Variants in SNTB1 observed in about 807,000 individuals in gnomAD.
SNTB1 encodes the protein beta-1-syntrophin.
Under a neutral mutation model 48.9 loss-of-function variants are expected in SNTB1, and 36 were observed. The ratio of observed to expected loss-of-function variants is 0.74; its 90% confidence interval spans 0.56 to 0.97. The LOEUF (loss-of-function observed/expected upper bound fraction) is 0.97. SNTB1 is among the 50% of genes least tolerant of loss of function. SNTB1 has a pLI of 0.00. For missense variants in SNTB1, 786 were observed against 703.4 expected (o/e 1.12, Z -1.33); for synonymous variants, 299 against 294.6 (o/e 1.01, Z -0.15).
chr8:120,712,699 C>T (rs1051874618), intron 1 of SNTB1, among the ~76,000 whole-genome samples: 39 of 152,134 alleles, frequency 2.6e-4, no homozygotes, highest in African/African-American at 9.2e-4. Flanking sequence ...TTAACCAAAA[C>T]TGTGAAGAAG....
chr8:120,546,578 C>A (rs144786789), intron 5 of SNTB1, among the ~76,000 whole-genome samples: 8 of 152,032 alleles, frequency 5.3e-5, no homozygotes, highest in Non-Finnish European at 1.0e-4. Context: ...TGGGTTCAAG[C>A]GATTTTCCTG....
chr8:120,699,294 T>A (rs184388811), intron 1 of SNTB1, among the ~76,000 whole-genome samples: 10 of 152,338 alleles, frequency 6.6e-5, no homozygotes, highest in African/African-American at 1.7e-4. Context: ...CCTCCAAATC[T>A]CATGTTGAAA....
intron 1 of SNTB1, among the ~76,000 whole-genome samples, chr8:120,715,847 G>A (rs1015422828): frequency 2.0e-5 from 3 of 152,090 alleles, no homozygotes; most frequent in African/African-American, 7.2e-5. Flanking sequence ...AAAGTAATCC[G>A]AGTGAAGGTT....
rs182137206 is a variant in SNTB1, at chr8:120,690,715, G to T, written c.788+2977C>A. On this transcript the variant is annotated intron_variant, in intron 2 of 6. Transcript: ENST00000517992. ...AATCACTCTGTTAGATGTGTCTCTT[G>T]CATTCAGCATAGAGTTGGGTTTTGC... is the stretch of plus-strand genomic sequence containing the variant. Among the ~76,000 whole-genome samples the T allele has an allele frequency of 1.3e-3, 200 of 152,314 alleles. 1 individual carries two copies. Among genetic ancestry groups the T allele is most frequent in the Non-Finnish European group, 6.3e-4 (43 of 68,028 alleles).
intron 4 of SNTB1, among the ~76,000 whole-genome samples, chr8:120,550,076 T>C (rs1815453379): frequency 6.6e-6 from 1 of 152,192 alleles, no homozygotes; most frequent in Non-Finnish European, 1.5e-5. Flanking sequence ...AACAAAATTA[T>C]CAGTAGAATA....
At chr8:120,627,920 C>G (rs1177740464) in intron 3 of SNTB1, among the ~76,000 whole-genome samples, 2 of 152,204 alleles carry the variant, frequency 1.3e-5, no homozygotes, top group African/African-American at 2.4e-5. Context: ...AAAAGTGACT[C>G]AAATACTACA....
intron 2 of SNTB1, among the ~76,000 whole-genome samples, chr8:120,690,947 T>C (rs1159834645): frequency 6.6e-6 from 1 of 152,236 alleles, no homozygotes; most frequent in Non-Finnish European, 1.5e-5. Context: ...ATTCTCATGT[T>C]TGATTCTGCC....
At chr8:120,646,760 C>A (rs1380425564) in intron 2 of SNTB1, among the ~76,000 whole-genome samples, 1 of 152,062 alleles carries the variant, frequency 6.6e-6, no homozygotes, top group African/African-American at 2.4e-5. Flanking sequence ...CTCCTTGTAC[C>A]TCTGGGAGAA....
chr8:120,766,904 T>C (rs1044769338), intron 1 of SNTB1, among the ~76,000 whole-genome samples: 2 of 152,252 alleles, frequency 1.3e-5, no homozygotes, highest in East Asian at 1.9e-4. Flanking sequence ...AAATAGGCTA[T>C]GTTTTATATT....
chr8:120,738,302 C>A (rs1266649588), intron 1 of SNTB1, among the ~76,000 whole-genome samples: 2 of 152,112 alleles, frequency 1.3e-5, no homozygotes, highest in African/African-American at 4.8e-5. Flanking sequence ...GCAGCCTGAA[C>A]AGATGAAGAC....
intron 3 of SNTB1, among the ~76,000 whole-genome samples, chr8:120,591,199 C>T (rs1428984966): frequency 6.6e-6 from 1 of 152,206 alleles, no homozygotes; most frequent in Non-Finnish European, 1.5e-5. Flanking sequence ...TGAAAATTAG[C>T]CACACCAAAC....
chr8:120,741,294 C>T (rs1819036496), intron 1 of SNTB1, among the ~76,000 whole-genome samples: 1 of 152,210 alleles, frequency 6.6e-6, no homozygotes, highest in Non-Finnish European at 1.5e-5. Context: ...AATTCAGACT[C>T]AGATACATGT....
intron 4 of SNTB1, among the ~76,000 whole-genome samples, chr8:120,564,996 G>A (rs111827940): frequency 3.9e-4 from 59 of 152,334 alleles, no homozygotes; most frequent in Non-Finnish European, 2.1e-4. Context: ...CTGATATGAT[G>A]AAACATTGTT....
chr8:120,633,559 C>G (rs1466604319), intron 2 of SNTB1, among the ~76,000 whole-genome samples: 1 of 152,080 alleles, frequency 6.6e-6, no homozygotes, highest in African/African-American at 2.4e-5. Context: ...GAGCCGAGAT[C>G]AAGCCATTGC....
chr8:120,763,289 G>T (rs367981814), intron 1 of SNTB1, among the ~76,000 whole-genome samples: 21 of 152,084 alleles, frequency 1.4e-4, no homozygotes, highest in African/African-American at 5.1e-4. Flanking sequence ...AGAAATACAG[G>T]CTTCCTGGAA....
At chr8:120,791,722 G>C (rs1820039816) in intron 1 of SNTB1, among the ~76,000 whole-genome samples, 1 of 151,690 alleles carries the variant, frequency 6.6e-6, no homozygotes, top group South Asian at 2.1e-4. Context: ...AATTATCAGG[G>C]AAATGCGAAT....
chr8:120,580,671 G>A (rs758590014), intron 3 of SNTB1, among the ~76,000 whole-genome samples: 4 of 152,160 alleles, frequency 2.6e-5, no homozygotes, highest in Admixed American at 1.3e-4. Flanking sequence ...TTCGCCTCAG[G>A]TTGCTAGGTG....
intron 1 of SNTB1, among the ~76,000 whole-genome samples, chr8:120,784,239 C>T (rs1029319730): frequency 6.6e-6 from 1 of 152,124 alleles, no homozygotes; most frequent in Non-Finnish European, 1.5e-5. Flanking sequence ...AATGATCCGC[C>T]TGCCTCGGCC....
intron 2 of SNTB1, among the ~76,000 whole-genome samples, chr8:120,638,404 T>A (rs1817119227): frequency 6.6e-6 from 1 of 152,062 alleles, no homozygotes; most frequent in Non-Finnish European, 1.5e-5. Context: ...TTTCTTTTTT[T>A]TTTCTTTTTT....
Sources: gnomAD v4.1 joint callset for allele counts (sites outside exome capture counted in the v4.1 genomes callset) on GRCh38, gnomAD v4.1.1 for gene constraint, MANE v1.5 for transcripts, NCBI Gene and HGNC (gene_info 2026-07-23, HGNC 2026-07-21) for gene names.